PRKCB: variants seen among roughly 807,000 people sequenced by gnomAD.
PRKCB encodes protein kinase C beta type.
Under a neutral mutation model 81.5 loss-of-function variants are expected in PRKCB, and 13 were observed. The ratio of observed to expected loss-of-function variants is 0.16; its 90% confidence interval spans 0.10 to 0.25. The LOEUF (loss-of-function observed/expected upper bound fraction) is 0.25, where lower values mean the gene tolerates loss of function less well. Among genes scored for constraint, PRKCB ranks in the 10% least tolerant of loss-of-function variants. The probability of loss-of-function intolerance (pLI) is 1.00; values close to 1 mark genes in which losing one functional copy is unlikely to be tolerated. For missense variants in PRKCB, 509 were observed against 875.7 expected, an observed-to-expected ratio of 0.58 and a Z score of 5.29; for synonymous variants, 335 against 321.4, an observed-to-expected ratio of 1.04 and a Z score of -0.45.
At chr16:23,870,264 A>T (rs1962882439) in intron 2 of PRKCB, among the ~76,000 whole-genome samples, 2 of 152,242 alleles carry the variant, frequency 1.3e-5, no homozygotes, top group South Asian at 4.1e-4. Context: ...GATGAGTGTC[A>T]TCTGTATTCC....
At chr16:24,173,017 A>C (rs1166745069) in intron 11 of PRKCB, among the ~76,000 whole-genome samples, 1 of 152,190 alleles carries the variant, frequency 6.6e-6, no homozygotes, top group Non-Finnish European at 1.5e-5. Context: ...AAGCTTGCCC[A>C]AAATCATGGA....
intron 16 of PRKCB, among the ~76,000 whole-genome samples, chr16:24,203,711 G>T (rs1007768082): frequency 6.6e-6 from 1 of 152,160 alleles, no homozygotes; most frequent in Non-Finnish European, 1.5e-5. Flanking sequence ...TTTGTTACAA[G>T]TGCAGTCTCT....
intron 7 of PRKCB, among the ~76,000 whole-genome samples, chr16:24,111,996 C>G (rs1966681692): frequency 6.6e-6 from 1 of 152,156 alleles, no homozygotes; most frequent in South Asian, 2.1e-4. Flanking sequence ...GGCTAACCAG[C>G]CTGTCTAAGG....
chr16:24,202,118 G>A (rs1351517004), intron 16 of PRKCB, among the ~76,000 whole-genome samples: 1 of 152,006 alleles, frequency 6.6e-6, no homozygotes, highest in Non-Finnish European at 1.5e-5. Flanking sequence ...GGCAAAAACA[G>A]CAGCTGTCCT....
intron 7 of PRKCB, among the ~76,000 whole-genome samples, chr16:24,095,310 A>G (rs1420569915): frequency 6.6e-6 from 1 of 152,150 alleles, no homozygotes; most frequent in Non-Finnish European, 1.5e-5. Flanking sequence ...CTTTTCAAAG[A>G]TAGTTTGGCA....
intron 16 of PRKCB, among the ~76,000 whole-genome samples, chr16:24,201,742 A>G (rs1967960102): frequency 6.6e-6 from 1 of 152,230 alleles, no homozygotes; most frequent in South Asian, 2.1e-4. Flanking sequence ...AAGAAAAAAA[A>G]GCCACTGTCA....
intron 4 of PRKCB, among the ~76,000 whole-genome samples, chr16:24,033,563 AC>A (rs1437686649): frequency 6.6e-6 from 1 of 152,022 alleles, no homozygotes; most frequent in Non-Finnish European, 1.5e-5. Context: ...GGAGTTTGAG[AC>A]CAGCTTGGCC....
chr16:23,916,917 G>A (rs1281344258), intron 2 of PRKCB, among the ~76,000 whole-genome samples: 1 of 125,046 alleles, frequency 8.0e-6, no homozygotes, highest in African/African-American at 3.1e-5. Flanking sequence ...ACACCACCAT[G>A]ACTGGCTGAT....
intron 2 of PRKCB, among the ~76,000 whole-genome samples, chr16:23,961,466 C>T (rs1010863566): frequency 2.0e-5 from 3 of 152,206 alleles, no homozygotes; most frequent in Non-Finnish European, 4.4e-5. Context: ...ACTAATGAGG[C>T]AACAACAACT....
At chr16:24,158,651 T>C (rs1967206795) in intron 10 of PRKCB, among the ~76,000 whole-genome samples, 1 of 151,550 alleles carries the variant, frequency 6.6e-6, no homozygotes, top group African/African-American at 2.4e-5. Flanking sequence ...TATGTGTGTG[T>C]ATATGTATAA....
intron 2 of PRKCB, among the ~76,000 whole-genome samples, chr16:23,961,873 G>C (rs1964430220): frequency 6.6e-6 from 1 of 152,094 alleles, no homozygotes; most frequent in South Asian, 2.1e-4. Flanking sequence ...CCTGGATTTG[G>C]GGTGCCCTCA....
chr16:23,841,116 T>C (rs551975905), intron 2 of PRKCB, among the ~76,000 whole-genome samples: 1 of 152,278 alleles, frequency 6.6e-6, no homozygotes, highest in African/African-American at 2.4e-5. Flanking sequence ...TCTCACTCTG[T>C]TGCCCAGGCT....
chr16:23,991,207 C>T (rs527635722), intron 3 of PRKCB, among the ~76,000 whole-genome samples: 2 of 152,104 alleles, frequency 1.3e-5, no homozygotes, highest in Non-Finnish European at 2.9e-5. Flanking sequence ...ATATCTGTTG[C>T]CATAGCAACA....
At chr16:23,868,521 T>C (rs1962845578) in intron 2 of PRKCB, among the ~76,000 whole-genome samples, 2 of 152,256 alleles carry the variant, frequency 1.3e-5, no homozygotes, top group South Asian at 4.1e-4. Flanking sequence ...CATAATTGAT[T>C]GTCTGCATTT....
chr16:24,054,144 T>G (rs533094408), intron 5 of PRKCB, among the ~76,000 whole-genome samples: 187 of 151,686 alleles, frequency 1.2e-3, no homozygotes, highest in African/African-American at 4.0e-3. Flanking sequence ...AGCCAAATTT[T>G]TAAAAATTTT....
chr16:23,845,147 T>C (rs2141077250), intron 2 of PRKCB, among the ~76,000 whole-genome samples: 1 of 152,318 alleles, frequency 6.6e-6, no homozygotes, highest in Middle Eastern at 3.4e-3. Context: ...TCAGGAACTA[T>C]TTTAGGTGAC....
chr16:23,884,950 C>T (rs1442065840), intron 2 of PRKCB, among the ~76,000 whole-genome samples: 1 of 2,640 alleles, frequency 3.8e-4, no homozygotes, highest in Non-Finnish European at 6.8e-4. Context: ...CAGGGCACTC[C>T]CAGGTTCTCA....
chr16:24,181,051 T>C, intron 13 of PRKCB, 123 bp downstream of exon 13: 2 of 1,238,572 alleles, frequency 1.6e-6, no homozygotes, highest in Non-Finnish European at 2.2e-6. Flanking sequence ...CAGATTCTTA[T>C]TCTATACTCT....
chr16:24,198,159 A>T (rs976957207), intron 16 of PRKCB, among the ~76,000 whole-genome samples: 4 of 152,224 alleles, frequency 2.6e-5, no homozygotes, highest in Non-Finnish European at 5.9e-5. Flanking sequence ...GGCATGGATG[A>T]GCATATTTTA....
Sources: allele counts gnomAD v4.1 joint callset (sites outside exome capture counted in the v4.1 genomes callset), GRCh38; gene constraint gnomAD v4.1.1; transcripts MANE v1.5; gene names NCBI Gene and HGNC (gene_info 2026-07-23, HGNC 2026-07-21).